The following DNM3 variants were observed in gnomAD, a reference collection of about 807,000 sequenced individuals.
The protein encoded by DNM3 is dynamin-3.
In DNM3, 47 loss-of-function variants were observed where a neutral mutation model predicts 101.6. The observed-to-expected ratio is 0.46, with a 90% CI of 0.37 to 0.59. The LOEUF (loss-of-function observed/expected upper bound fraction) is 0.59, where lower values mean the gene tolerates loss of function less well. Among genes scored for constraint, DNM3 ranks in the 20% least tolerant of loss-of-function variants. DNM3 has a pLI of 0.00. For missense variants in DNM3, 849 were observed against 1,085.7 expected (o/e 0.78, Z 3.06); for synonymous variants, 385 against 387.9 (o/e 0.99, Z 0.09).
At chr1:171,926,423 A>G (rs2125342338) in intron 2 of DNM3, among the ~76,000 whole-genome samples, 1 of 152,190 alleles carries the variant, frequency 6.6e-6, no homozygotes, top group East Asian at 1.9e-4. Flanking sequence ...GTCAAACTTT[A>G]TTTTCTGCAT....
At chr1:172,072,547 A>G (rs1355449970) in intron 11 of DNM3, among the ~76,000 whole-genome samples, 1 of 152,210 alleles carries the variant, frequency 6.6e-6, no homozygotes, top group East Asian at 1.9e-4. Context: ...GTGGCCACGT[A>G]CTAATTATAT....
intron 13 of DNM3, among the ~76,000 whole-genome samples, chr1:172,122,560 A>G (rs1280953218): frequency 2.0e-5 from 3 of 152,194 alleles, no homozygotes; most frequent in Non-Finnish European, 1.5e-5. Flanking sequence ...CACATCATGT[A>G]CTAGGCATTT....
chr1:171,976,650 CA>C (rs1334969594), intron 2 of DNM3, among the ~76,000 whole-genome samples: 2 of 152,084 alleles, frequency 1.3e-5, no homozygotes, highest in African/African-American at 2.4e-5. Context: ...AGGAGCTTAC[CA>C]AAAACACACT....
intron 14 of DNM3, among the ~76,000 whole-genome samples, chr1:172,221,045 A>G (rs970240141): frequency 6.6e-6 from 1 of 152,006 alleles, no homozygotes; most frequent in Non-Finnish European, 1.5e-5. Flanking sequence ...CTCCTTCATC[A>G]ATCCCTCTTC....
chr1:172,068,034 T>C (rs1464689437), intron 10 of DNM3, among the ~76,000 whole-genome samples: 2 of 152,106 alleles, frequency 1.3e-5, no homozygotes, highest in African/African-American at 4.8e-5. Context: ...TTCTCCTCTA[T>C]TAAATGGGGT....
intron 2 of DNM3, among the ~76,000 whole-genome samples, chr1:171,926,317 T>C (rs747394133): frequency 1.3e-5 from 2 of 152,242 alleles, no homozygotes; most frequent in East Asian, 3.8e-4. Context: ...TATAGTCATT[T>C]TAACCATATT....
At chr1:172,096,001 A>G (rs962462367) in intron 13 of DNM3, among the ~76,000 whole-genome samples, 24 of 152,192 alleles carry the variant, frequency 1.6e-4, no homozygotes, top group African/African-American at 5.8e-4. Context: ...TGATGCATCA[A>G]TCACAGGCCT....
chr1:171,895,891 A>C (rs1233227114), intron 1 of DNM3, among the ~76,000 whole-genome samples: 1 of 152,216 alleles, frequency 6.6e-6, no homozygotes, highest in African/African-American at 2.4e-5. Flanking sequence ...TTTATTAAAT[A>C]GGGAATCCTT....
At chr1:171,927,395 TC>T (rs1426119442) in intron 2 of DNM3, among the ~76,000 whole-genome samples, 2 of 152,132 alleles carry the variant, frequency 1.3e-5, no homozygotes, top group Non-Finnish European at 2.9e-5. Flanking sequence ...CTCTCCCTCT[TC>T]CCACTCTCCA....
chr1:172,282,180 G>A lies in DNM3; in HGVS notation c.1770-26548G>A, dbSNP rs972764146. Among the ~76,000 whole-genome samples the A allele has an allele frequency of 3.3e-5, 5 of 152,094 alleles. No individual in the cohort carries two copies. The East Asian group carries it at 9.6e-4, about 29-fold the overall frequency. ...GGAGCTGAAGTTTGTGTTTTGTCTT[G>A]TCCGTTGCTCATCCTCGCCGCTCAT... On this transcript the variant is annotated intron_variant, in intron 15 of 20. Transcript: ENST00000627582.
chr1:171,850,976 G>A (rs2032882227), intron 1 of DNM3, among the ~76,000 whole-genome samples: 1 of 152,080 alleles, frequency 6.6e-6, no homozygotes, highest in South Asian at 2.1e-4. Flanking sequence ...GTTAGTCTGG[G>A]GTGGCTTTGG....
chr1:172,295,175 T>C lies in DNM3; in HGVS notation c.1770-13553T>C, dbSNP rs115031165. 6.8e-3 allele frequency among the ~76,000 whole-genome samples: 1,028 copies of C among 152,272 alleles called. 5 individuals carry two copies. Among genetic ancestry groups the C allele is most frequent in the Non-Finnish European group, 0.012 (826 of 68,030 alleles). On this transcript the variant is annotated intron_variant, in intron 15 of 20. Transcript: ENST00000627582. ...AACCCAAAGAAGCCTCTATGTTTCT[T>C]CACTACATCAACTTGAGAAACGTGG...
chr1:172,047,685 G>T (rs2049914020), intron 9 of DNM3, among the ~76,000 whole-genome samples: 1 of 152,096 alleles, frequency 6.6e-6, no homozygotes, highest in Non-Finnish European at 1.5e-5. Flanking sequence ...GTGAGCATGG[G>T]GTGCTAAGCA....
intron 13 of DNM3, among the ~76,000 whole-genome samples, chr1:172,124,088 T>C (rs1478876394): frequency 1.3e-5 from 2 of 152,228 alleles, no homozygotes; most frequent in African/African-American, 4.8e-5. Context: ...TCAGACATGC[T>C]GTTTCTATAG....
chr1:172,333,541 A>AG (rs1199534907), intron 17 of DNM3, among the ~76,000 whole-genome samples: 1 of 152,200 alleles, frequency 6.6e-6, no homozygotes, highest in Non-Finnish European at 1.5e-5. Context: ...AAAGAGAACT[A>AG]GCACATTTTA....
rs1384791881 is a variant in DNM3, at chr1:172,038,345, C to T, written c.876C>T (p.Thr292=). ...AACTTACCAACCACATTCGGGATAC[C>T]CTACCAAACTTCAGGAACAAACTAC... The part of the protein sequence containing the change: ...NQQLTNHIRD[T]LPNFRNKLQG... The change falls in exon 7 of 21, where the codon ACC becomes ACT. Residue 292 remains threonine (T), a synonymous_variant. Transcript: ENST00000627582. The T allele has an allele frequency of 6.2e-7, 1 of 1,613,070 alleles. No homozygotes were observed. The highest frequency in any genetic ancestry group is 1.7e-5 in the Admixed American group (1 of 59,872).
At chr1:172,359,440 T>TTAA (rs2067628263) in intron 17 of DNM3, among the ~76,000 whole-genome samples, 1 of 151,970 alleles carries the variant, frequency 6.6e-6, no homozygotes, top group Non-Finnish European at 1.5e-5. Context: ...TGAAGATTTT[T>TTAA]TTTGTCTTAA....
chr1:171,959,869 G>A (rs1363509802), intron 2 of DNM3, among the ~76,000 whole-genome samples: 1 of 152,138 alleles, frequency 6.6e-6, no homozygotes, highest in Non-Finnish European at 1.5e-5. Context: ...GAGCTGTGGG[G>A]ACAGAAGCCA....
intron 17 of DNM3, among the ~76,000 whole-genome samples, chr1:172,371,135 G>A (rs1290882703): frequency 1.3e-5 from 2 of 151,898 alleles, no homozygotes; most frequent in African/African-American, 4.8e-5. Flanking sequence ...TTCTTGCAGT[G>A]AATTGGTGCT....
Sources: gnomAD v4.1 joint callset for allele counts (sites outside exome capture counted in the v4.1 genomes callset) on GRCh38, gnomAD v4.1.1 for gene constraint, MANE v1.5 for transcripts, NCBI Gene and HGNC (gene_info 2026-07-23, HGNC 2026-07-21) for gene names.